GABRB1: variants seen among roughly 807,000 people sequenced by gnomAD.
The protein encoded by GABRB1 is gamma-aminobutyric acid type A receptor subunit beta1, also known as gamma-aminobutyric acid receptor subunit beta-1.
GABRB1 carries 17 observed loss-of-function variants against 51.6 expected under a neutral mutation model. The ratio of observed to expected loss-of-function variants is 0.33; its 90% CI spans 0.23 to 0.49. The LOEUF (loss-of-function observed/expected upper bound fraction) is 0.49, where lower values mean the gene tolerates loss of function less well. GABRB1 is among the 20% of genes least tolerant of loss of function. The pLI is 0.99. For synonymous variants in GABRB1, 247 were observed against 218.9 expected (o/e 1.13, Z -1.14); for missense variants, 410 against 600.6 (o/e 0.68, Z 3.32).
intron 3 of GABRB1, among the ~76,000 whole-genome samples, chr4:47,067,631 A>G (rs1234921257): frequency 6.6e-6 from 1 of 151,356 alleles, no homozygotes; most frequent in African/African-American, 2.4e-5. Context: ...TATTATTATT[A>G]TTACTATTAT....
At chr4:47,299,920 A>T (rs1724181167) in intron 4 of GABRB1, among the ~76,000 whole-genome samples, 1 of 151,960 alleles carries the variant, frequency 6.6e-6, no homozygotes, top group Non-Finnish European at 1.5e-5. Flanking sequence ...ATAAAAAATG[A>T]TGAGTTCATG....
At chr4:47,044,034 G>T (rs1411863984) in intron 3 of GABRB1, among the ~76,000 whole-genome samples, 3 of 152,154 alleles carry the variant, frequency 2.0e-5, no homozygotes, top group Admixed American at 1.3e-4. Context: ...GAATTTGGGA[G>T]TTGATATGAA....
intron 5 of GABRB1, among the ~76,000 whole-genome samples, chr4:47,339,566 T>C (rs1346346570): frequency 6.6e-6 from 1 of 151,678 alleles, no homozygotes; most frequent in African/African-American, 2.4e-5. Context: ...TGTGTGTGTG[T>C]GTGTAATGCT....
chr4:47,042,764 A>G (rs1408737007), intron 3 of GABRB1, among the ~76,000 whole-genome samples: 2 of 151,946 alleles, frequency 1.3e-5, no homozygotes, highest in African/African-American at 4.8e-5. Flanking sequence ...CATAAAAGTA[A>G]AAAGTTAAAA....
chr4:47,022,055 T>C (rs572194201), intron 1 of GABRB1, among the ~76,000 whole-genome samples: 1 of 152,272 alleles, frequency 6.6e-6, no homozygotes, highest in East Asian at 1.9e-4. Flanking sequence ...CATAATTAGT[T>C]TCTGTATCCC....
intron 3 of GABRB1, among the ~76,000 whole-genome samples, chr4:47,107,586 T>C (rs1307633392): frequency 6.6e-6 from 1 of 152,144 alleles, no homozygotes; most frequent in Non-Finnish European, 1.5e-5. Context: ...CCTCTGTTTA[T>C]TCATCTGTAA....
At chr4:47,247,643 C>A (rs1478156415) in intron 4 of GABRB1, among the ~76,000 whole-genome samples, 1 of 151,886 alleles carries the variant, frequency 6.6e-6, no homozygotes, top group Admixed American at 6.6e-5. Flanking sequence ...TTGATTCTAC[C>A]CAACCATGAG....
At chr4:47,173,397 T>A (rs576505014) in intron 4 of GABRB1, among the ~76,000 whole-genome samples, 1 of 152,306 alleles carries the variant, frequency 6.6e-6, no homozygotes, top group Non-Finnish European at 1.5e-5. Flanking sequence ...GAATTTCATC[T>A]CTTTTGGTTC....
chr4:47,039,222 T>C (rs549249412), intron 3 of GABRB1, among the ~76,000 whole-genome samples: 1 of 151,940 alleles, frequency 6.6e-6, no homozygotes, highest in East Asian at 1.9e-4. Context: ...TCATTGCTAC[T>C]CTTCTGCTAA....
chr4:47,322,997 C>CAATAAT (rs1244389576), intron 5 of GABRB1, among the ~76,000 whole-genome samples: 1 of 119,462 alleles, frequency 8.4e-6, no homozygotes, highest in Non-Finnish European at 1.8e-5. Context: ...ACAACAACAA[C>CAATAAT]AATAATAATA....
At chr4:47,025,231 T>C (rs1008485350) in intron 1 of GABRB1, among the ~76,000 whole-genome samples, 5 of 151,858 alleles carry the variant, frequency 3.3e-5, no homozygotes, top group East Asian at 1.9e-4. Flanking sequence ...CTTTTTCATA[T>C]ACTGATTTAT....
chr4:47,315,260 G>A (rs560813501), intron 4 of GABRB1, among the ~76,000 whole-genome samples: 4 of 151,874 alleles, frequency 2.6e-5, no homozygotes, highest in South Asian at 2.1e-4. Context: ...AGACATACAC[G>A]CATCCAACAA....
At position 47,254,361 on chromosome 4, in the gene GABRB1, G is replaced by GGTTTTTTTTTTTTTT. The variant is rs1305298443; in HGVS notation, c.462-65766_462-65765insGTTTTTTTTTTTTTT. Among the ~76,000 whole-genome samples, 8 of 80,966 alleles carry GGTTTTTTTTTTTTTT rather than the reference G, an allele frequency of 9.9e-5. 2 individuals are homozygous for GGTTTTTTTTTTTTTT. Among genetic ancestry groups the GGTTTTTTTTTTTTTT allele is most frequent in the Admixed American group, 3.1e-4 (2 of 6,554 alleles). The allele number at this position is 80,966 out of a possible 152,430, so 53.1% of individuals were successfully genotyped here. A position where few individuals can be genotyped will look rare whatever the true frequency, so the allele number is the denominator to read the frequency against. ...ATGGTGGATGATGTTTCTTTTCTTT[G>GGTTTTTTTTTTTTTT]TTTTTTTTTTTTTTTTTTTTTTTTT... On this transcript the variant is annotated intron_variant, in intron 4 of 8. Coordinates refer to ENST00000295454, the MANE Select transcript of GABRB1 (RefSeq NM_000812.4).
intron 5 of GABRB1, among the ~76,000 whole-genome samples, chr4:47,393,015 G>A (rs1728056488): frequency 6.6e-6 from 1 of 152,172 alleles, no homozygotes; most frequent in African/African-American, 2.4e-5. Flanking sequence ...TAGTTTTCTG[G>A]ATTAGATGGA....
At chr4:47,297,342 C>A in intron 4 of GABRB1, among the ~76,000 whole-genome samples, 1 of 126,312 alleles carries the variant, frequency 7.9e-6, no homozygotes, top group African/African-American at 3.1e-5. Context: ...AAAGGATCAA[C>A]AAAATTGATA....
chr4:47,032,685 C>T (rs1021910584), intron 3 of GABRB1: 1 of 715,558 alleles, frequency 1.4e-6, no homozygotes, highest in Non-Finnish European at 2.6e-6. Flanking sequence ...TGCGGTGTTC[C>T]AGGGGAAACG....
intron 3 of GABRB1, among the ~76,000 whole-genome samples, chr4:47,036,289 TGG>T (rs1222997264): frequency 6.6e-6 from 1 of 152,254 alleles, no homozygotes; most frequent in Non-Finnish European, 1.5e-5. Context: ...TGGAAGTTTC[TGG>T]TACATACTTC....
chr4:47,268,707 G>A (rs1448555060), intron 4 of GABRB1, among the ~76,000 whole-genome samples: 1 of 152,108 alleles, frequency 6.6e-6, no homozygotes, highest in Non-Finnish European at 1.5e-5. Flanking sequence ...CATGGAAAAA[G>A]CAAGAGAATA....
rs548118050 is a variant in GABRB1 at position 47,133,571 on chromosome 4, T to C, written c.241-27678T>C. Reference sequence around the variant, plus strand: ...CAGCAGTGATCTTGTCTCTTTAACATAGAGCAGTTCATCAGTCTTTCTTTG... The same window carrying C: ...CAGCAGTGATCTTGTCTCTTTAACACAGAGCAGTTCATCAGTCTTTCTTTG... On this transcript the variant is annotated intron_variant, in intron 3 of 8. Coordinates refer to ENST00000295454, the MANE Select transcript of GABRB1 (RefSeq NM_000812.4). Among the ~76,000 whole-genome samples the C allele has an allele frequency of 5.4e-4, 83 of 152,340 alleles. No individual in the cohort carries two copies. In the South Asian group the frequency reaches 6.8e-3, roughly 13 times the overall value.
Sources: gnomAD v4.1 joint callset for allele counts (sites outside exome capture counted in the v4.1 genomes callset) on GRCh38, gnomAD v4.1.1 for gene constraint, MANE v1.5 for transcripts, NCBI Gene and HGNC (gene_info 2026-07-23, HGNC 2026-07-21) for gene names.